The following CACNB2 variants were observed in gnomAD, a reference collection of about 807,000 sequenced individuals.
CACNB2 encodes the protein voltage-dependent L-type calcium channel subunit beta-2.
In CACNB2, 42 loss-of-function variants were observed where a neutral mutation model predicts 73.3. The ratio of observed to expected loss-of-function variants is 0.57; its 90% CI spans 0.45 to 0.74. The LOEUF (loss-of-function observed/expected upper bound fraction) is 0.74, where lower values mean the gene tolerates loss of function less well. CACNB2 is among the 30% of genes least tolerant of loss of function. CACNB2 has a pLI of 0.00. For synonymous variants in CACNB2, 348 were observed against 310.3 expected, an observed-to-expected ratio of 1.12 and a Z score of -1.28; for missense variants, 940 against 853.0, an observed-to-expected ratio of 1.10 and a Z score of -1.27.
intron 3 of CACNB2, among the ~76,000 whole-genome samples, chr10:18,433,847 A>G (rs1395709699): frequency 6.6e-6 from 1 of 151,670 alleles, no homozygotes; most frequent in East Asian, 1.9e-4. Context: ...TTTTTCTACC[A>G]TCAAAACTAT....
intron 3 of CACNB2, among the ~76,000 whole-genome samples, chr10:18,444,042 A>G (rs1052128936): frequency 3.3e-5 from 5 of 152,112 alleles, no homozygotes; most frequent in African/African-American, 1.2e-4. Context: ...AGACCCTGAA[A>G]AAGGATCCCT....
intron 2 of CACNB2, among the ~76,000 whole-genome samples, chr10:18,247,410 G>A (rs2131536299): frequency 6.6e-6 from 1 of 152,214 alleles, no homozygotes; most frequent in South Asian, 2.1e-4. Context: ...TTCATCATAA[G>A]CCAAAATAGA....
At chr10:18,264,234 G>T (rs2037686259) in intron 2 of CACNB2, among the ~76,000 whole-genome samples, 1 of 152,138 alleles carries the variant, frequency 6.6e-6, no homozygotes, top group South Asian at 2.1e-4. Flanking sequence ...TACATAAGAT[G>T]CTTGGATACA....
chr10:18,361,521 G>GA (rs1316376128), intron 2 of CACNB2, among the ~76,000 whole-genome samples: 2 of 139,150 alleles, frequency 1.4e-5, no homozygotes, highest in African/African-American at 5.3e-5. Context: ...AAGAAAGAAA[G>GA]AAAAAACAAT....
intron 2 of CACNB2, among the ~76,000 whole-genome samples, chr10:18,171,960 T>C (rs2033275398): frequency 6.6e-6 from 1 of 152,148 alleles, no homozygotes; most frequent in African/African-American, 2.4e-5. Context: ...TCTGTGGAGC[T>C]AACTGATCCT....
intron 2 of CACNB2, among the ~76,000 whole-genome samples, chr10:18,205,899 T>A (rs1315343795): frequency 3.9e-5 from 6 of 152,168 alleles, no homozygotes; most frequent in African/African-American, 1.4e-4. Context: ...AAGGGTTCCA[T>A]CTGTTGATGC....
rs1017489076 is a variant in CACNB2, at chr10:18,287,415, C to T, written c.214-114509C>T. The stretch of plus-strand genomic sequence containing the variant: ...ACATTAATGAAAGGAGCTTGGAATA[C>T]TCCAAAGAGTCATGGAAAAGGAGAA... On this transcript the variant is annotated intron_variant, in intron 2 of 13. Coordinates refer to ENST00000324631, the MANE Select transcript of CACNB2 (RefSeq NM_201596.3). 2.6e-5 allele frequency among the ~76,000 whole-genome samples: 4 copies of T among 152,134 alleles called. No individual in the cohort carries two copies. The East Asian group carries it at 7.7e-4, about 29-fold the overall frequency.
intron 2 of CACNB2, among the ~76,000 whole-genome samples, chr10:18,288,746 T>A (rs2038917436): frequency 6.7e-6 from 1 of 150,236 alleles, no homozygotes; most frequent in Non-Finnish European, 1.5e-5. Context: ...CTCTTTTATT[T>A]AAAAAATCCT....
intron 6 of CACNB2, among the ~76,000 whole-genome samples, chr10:18,507,579 CCTATT>C (rs1384729911): frequency 6.6e-6 from 1 of 152,174 alleles, no homozygotes; most frequent in East Asian, 1.9e-4. Flanking sequence ...TGGGAACTCT[CCTATT>C]CTGTGTAGAA....
intron 2 of CACNB2, among the ~76,000 whole-genome samples, chr10:18,294,084 C>T (rs939110561): frequency 3.9e-5 from 6 of 152,168 alleles, no homozygotes; most frequent in Non-Finnish European, 8.8e-5. Flanking sequence ...TCTCTTTAAC[C>T]ACATAGTAAA....
intron 2 of CACNB2, among the ~76,000 whole-genome samples, chr10:18,165,680 G>T (rs2032803615): frequency 6.6e-6 from 1 of 152,188 alleles, no homozygotes; most frequent in African/African-American, 2.4e-5. Context: ...TATTATGCCA[G>T]GGAAGTTGTT....
intron 2 of CACNB2, among the ~76,000 whole-genome samples, chr10:18,255,802 C>T (rs1249136222): frequency 1.3e-5 from 2 of 152,164 alleles, no homozygotes; most frequent in Non-Finnish European, 2.9e-5. Flanking sequence ...TTCCTAAAAT[C>T]GCAGCCACAG....
At chr10:18,384,756 A>G (rs1043073724) in intron 2 of CACNB2, among the ~76,000 whole-genome samples, 1 of 151,392 alleles carries the variant, frequency 6.6e-6, no homozygotes, top group Admixed American at 6.6e-5. Flanking sequence ...ACAAAAAACA[A>G]AAAAAACCCA....
intron 2 of CACNB2, chr10:18,206,658 C>T (rs568985329): frequency 6.6e-6 from 1 of 152,346 alleles, no homozygotes; most frequent in South Asian, 2.1e-4. Context: ...GAAAGGGGCA[C>T]ATGCAGATTC....
At chr10:18,482,184 C>G (rs1323404841) in intron 3 of CACNB2, among the ~76,000 whole-genome samples, 2 of 152,136 alleles carry the variant, frequency 1.3e-5, no homozygotes, top group Non-Finnish European at 2.9e-5. Context: ...GCCACCACAC[C>G]TTATCTCTTA....
chr10:18,479,102 A>T lies in CACNB2; in HGVS notation c.334-19253A>T, dbSNP rs985085282. ...ACCTCTTCAAATTTTGACAGAGTTTAACTCTTTCATCAAAATACCTATATA... is the reference window on the plus strand; with the variant it reads ...ACCTCTTCAAATTTTGACAGAGTTTTACTCTTTCATCAAAATACCTATATA... On this transcript the variant is annotated intron_variant, in intron 3 of 13. Transcript: ENST00000324631. Among the ~76,000 whole-genome samples the T allele has an allele frequency of 6.6e-5, 10 of 152,316 alleles. No individual in the cohort carries two copies. In the South Asian group the frequency reaches 1.2e-3, roughly 19 times the overall value.
chr10:18,518,359 T>C lies in CACNB2; in HGVS notation c.828T>C (p.Asp276=), dbSNP rs1441375454. 6.2e-7 allele frequency: 1 copy of C among 1,613,434 alleles called. No individual in the cohort carries two copies. The highest frequency in any genetic ancestry group is 1.3e-5 in the African/African-American group (1 of 74,916). The stretch of plus-strand genomic sequence containing the variant: ...AGACAGAGCACACTCCTCCGTATGA[T>C]GTGGTACCTTCCATGCGACCAGTGG... ...FKKTEHTPPY[D]VVPSMRPVVL... is the part of the protein sequence containing the mutation. The change falls in exon 8 of 14, where the codon GAT becomes GAC. Residue 276 remains aspartate (D), a synonymous_variant. Coordinates refer to ENST00000324631, the MANE Select transcript of CACNB2 (RefSeq NM_201596.3).
chr10:18,265,098 C>T (rs1776647320), intron 2 of CACNB2, among the ~76,000 whole-genome samples: 1 of 151,094 alleles, frequency 6.6e-6, no homozygotes, highest in African/African-American at 2.4e-5. Context: ...TCCCTGATAA[C>T]TAATGAAGTC....
intron 2 of CACNB2, among the ~76,000 whole-genome samples, chr10:18,220,228 TATATAGAGAGAGAGAGAGAG>T (rs1214701984): frequency 2.2e-4 from 9 of 40,942 alleles, no homozygotes; most frequent in South Asian, 1.6e-3. Flanking sequence ...TATATATATA[TATATAGAGAGAGAGAGAGAG>T]AGAGAGAGAG....
Sources: allele counts gnomAD v4.1 joint callset (sites outside exome capture counted in the v4.1 genomes callset), GRCh38; gene constraint gnomAD v4.1.1; transcripts MANE v1.5; gene names NCBI Gene and HGNC (gene_info 2026-07-23, HGNC 2026-07-21).